The following ZNF148 variants were observed in gnomAD, a reference collection of about 807,000 sequenced individuals.
The protein encoded by ZNF148 is zinc finger protein 148, also known as Beta-Enolase Repressor Factor-1.
Under a neutral mutation model 67.7 loss-of-function variants are expected in ZNF148, and 7 were observed. That is an observed-to-expected ratio of 0.10 (90% CI 0.06 to 0.19). ZNF148 has a LOEUF of 0.19. Ranked by LOEUF, ZNF148 falls within the 10% of genes least tolerant of loss-of-function variation. ZNF148 has a pLI of 1.00. For synonymous variants in ZNF148, 333 were observed against 330.7 expected (o/e 1.01, Z -0.08); for missense variants, 583 against 947.1 (o/e 0.62, Z 5.05).
chr3:125,264,163 T>C (rs777009904), intron 7 of ZNF148, among the ~76,000 whole-genome samples: 1 of 152,212 alleles, frequency 6.6e-6, no homozygotes, highest in Non-Finnish European at 1.5e-5. Context: ...TGTAATAAAA[T>C]GGTAAATGTA....
At chr3:125,258,377 A>AGCTTGCAGTGAGCCGAGT in intron 7 of ZNF148, among the ~76,000 whole-genome samples, 2 of 129,756 alleles carry the variant, frequency 1.5e-5, no homozygotes, top group Non-Finnish European at 3.1e-5. Context: ...GTGAGCCGAG[A>AGCTTGCAGTGAGCCGAGT]TTGCGCCACT....
intron 4 of ZNF148, among the ~76,000 whole-genome samples, chr3:125,310,225 G>A (rs1940125981): frequency 6.6e-6 from 1 of 151,866 alleles, no homozygotes; most frequent in African/African-American, 2.4e-5. Flanking sequence ...GATTACAGGT[G>A]CATGCCACCA....
intron 2 of ZNF148, among the ~76,000 whole-genome samples, chr3:125,329,363 T>C (rs2107707923): frequency 8.7e-6 from 1 of 115,014 alleles, no homozygotes. Context: ...ATATAAAATT[T>C]TTTTTTTTTT....
At chr3:125,245,554 C>T (rs1419014100) in intron 7 of ZNF148, among the ~76,000 whole-genome samples, 2 of 152,180 alleles carry the variant, frequency 1.3e-5, no homozygotes, top group Non-Finnish European at 2.9e-5. Context: ...CAGCTTATGC[C>T]ACAAATGGCA....
intron 7 of ZNF148, among the ~76,000 whole-genome samples, chr3:125,269,205 CAAA>C (rs71148173): frequency 3.1e-5 from 3 of 96,870 alleles, no homozygotes; most frequent in Non-Finnish European, 3.9e-5. Flanking sequence ...CGGTCTCTAC[CAAA>C]AAAAAAAAAA....
At chr3:125,262,451 T>C (rs922107233) in intron 7 of ZNF148, among the ~76,000 whole-genome samples, 3 of 152,256 alleles carry the variant, frequency 2.0e-5, no homozygotes, top group African/African-American at 7.2e-5. Context: ...TTGCTTCTTG[T>C]TCTAACTGAT....
At chr3:125,361,401 G>T (rs1354300318) in intron 1 of ZNF148, among the ~76,000 whole-genome samples, 1 of 151,918 alleles carries the variant, frequency 6.6e-6, no homozygotes, top group Non-Finnish European at 1.5e-5. Context: ...AATTCTGCTT[G>T]CTCCCAAATT....
chr3:125,339,807 T>C (rs1054004031), intron 1 of ZNF148, among the ~76,000 whole-genome samples: 1 of 152,154 alleles, frequency 6.6e-6, no homozygotes, highest in Non-Finnish European at 1.5e-5. Flanking sequence ...AAATTAAAAA[T>C]TAAAAATAAA....
intron 4 of ZNF148, among the ~76,000 whole-genome samples, chr3:125,300,674 T>C (rs149623343): frequency 1.0e-3 from 154 of 152,356 alleles, no homozygotes; most frequent in African/African-American, 3.3e-3. Context: ...GCCTGAAATA[T>C]TTCATATTTT....
At chr3:125,341,234 G>GA (rs1199143948) in intron 1 of ZNF148, among the ~76,000 whole-genome samples, 1 of 142,774 alleles carries the variant, frequency 7.0e-6, no homozygotes, top group Non-Finnish European at 1.5e-5. Flanking sequence ...AGAAATAAGT[G>GA]AAAAAATGGA....
At position 125,233,349 on chromosome 3, in the gene ZNF148, A is replaced by G. The variant is rs75499645; in HGVS notation, c.1377T>C (p.His459=). 1.8e-3 allele frequency: 2,928 copies of G among 1,613,998 alleles called. 41 individuals carry two copies. In the African/African-American group the frequency reaches 0.034, roughly 19 times the overall value. The change falls in exon 9 of 9, where the codon CAT becomes CAC. Residue 459 remains histidine (H), a synonymous_variant. Coordinates refer to ENST00000360647, the MANE Select transcript of ZNF148 (RefSeq NM_021964.3). The surrounding 1 kb of genome is among the most constrained non-coding windows in gnomAD (Gnocchi z 5.1). The part of the protein sequence containing the change: ...NLQEGPSKPV[H]SSTNYDDAMQ... ...TGGCATCATCATAATTAGTACTACTATGCACAGGTTTACTGGGCCCCTCCT... is the reference window on the plus strand; with the variant it reads ...TGGCATCATCATAATTAGTACTACTGTGCACAGGTTTACTGGGCCCCTCCT...
Position 125,232,535 on chromosome 3 carries a change from G to T in ZNF148, c.2191C>A (p.Gln731Lys). ...HQAYQMSSFEQPFRAPYHGSR... is the reference protein window; with the variant it reads ...HQAYQMSSFEKPFRAPYHGSR... ...CCATGATAGGGAGCACGGAAGGGCT[G>T]TTCAAAGGAGCTCATTTGGTAAGCT... The change falls in exon 9 of 9, where the codon CAG (glutamine) becomes AAG (lysine). Residue 731 changes from glutamine (Q) to lysine (K), a missense_variant. This residue lies in a region of ZNF148 where 158 missense variants were observed against 208.4 expected (regional missense o/e 0.76). Transcript: ENST00000360647. This position sits in a 1 kb window ranked among gnomAD's most constrained non-coding sequence, Gnocchi z 4.2. 6.2e-7 allele frequency: 1 copy of T among 1,613,732 alleles called. No homozygotes were observed. The highest frequency in any genetic ancestry group is 8.5e-7 in the Non-Finnish European group (1 of 1,179,748).
In ZNF148 at chr3:125,314,262, T is replaced by C. The variant is rs144481127; in HGVS notation, c.-16-606A>G. Among the ~76,000 whole-genome samples, 12 of 152,290 alleles carry C rather than the reference T, an allele frequency of 7.9e-5. No homozygotes were observed. The East Asian group carries it at 9.6e-4, about 12-fold the overall frequency. On this transcript the variant is annotated intron_variant, in intron 3 of 8. Coordinates refer to ENST00000360647, the MANE Select transcript of ZNF148 (RefSeq NM_021964.3). ...TCAACTATTTTCAAAAGCCATTTGG[T>C]ATCAAATGCTATGAAACGTATCAAA...
At chr3:125,369,261 CAAAAAAAAAAAA>C (rs71148178) in intron 1 of ZNF148, among the ~76,000 whole-genome samples, 4 of 12,890 alleles carry the variant, frequency 3.1e-4, no homozygotes, top group African/African-American at 1.3e-3. Context: ...GATCCTGCCT[CAAAAAAAAAAAA>C]AAAAAAAAAA....
rs369035003 is a variant in ZNF148, at chr3:125,233,252, C to T, written c.1474G>A (p.Gly492Ser). 7.1e-5 allele frequency: 115 copies of T among 1,613,750 alleles called. No homozygotes were observed. Among genetic ancestry groups the T allele is most frequent in the Non-Finnish European group, 9.5e-5 (112 of 1,179,912 alleles). ...NNSREYALNV[G>S]TIASQPSVTQ... Reference sequence around the variant, plus strand: ...ACAGAAGGCTGAGAAGCTATGGTACCCACATTCAGCGCATATTCCCTGCTG... The same window carrying T: ...ACAGAAGGCTGAGAAGCTATGGTACTCACATTCAGCGCATATTCCCTGCTG... Residue 492 changes from glycine to serine, a missense_variant, in exon 9 of 9, where the codon GGT (glycine) becomes AGT (serine). This residue lies in a region of ZNF148 where 172 missense variants were observed against 307.7 expected (regional missense o/e 0.56). Coordinates refer to ENST00000360647, the MANE Select transcript of ZNF148 (RefSeq NM_021964.3). The surrounding 1 kb of genome is among the most constrained non-coding windows in gnomAD (Gnocchi z 5.1).
intron 2 of ZNF148, among the ~76,000 whole-genome samples, chr3:125,324,189 A>G (rs79803106): frequency 0.12 from 17,763 of 151,916 alleles, 1,282 homozygotes; most frequent in Admixed American, 0.16. Context: ...AATAATAAAA[A>G]AAATAAAAAG....
chr3:125,326,121 TA>T (rs1242282926), intron 2 of ZNF148, among the ~76,000 whole-genome samples: 1 of 152,166 alleles, frequency 6.6e-6, no homozygotes, highest in East Asian at 1.9e-4. Context: ...TTTTTGCTAG[TA>T]GACCTGCCTT....
At chr3:125,324,327 T>C (rs997475004) in intron 2 of ZNF148, among the ~76,000 whole-genome samples, 1 of 152,118 alleles carries the variant, frequency 6.6e-6, no homozygotes. Flanking sequence ...GAAACTATTA[T>C]ATAAATTCAA....
At chr3:125,280,710 C>T (rs543270848) in intron 5 of ZNF148, among the ~76,000 whole-genome samples, 1 of 122,174 alleles carries the variant, frequency 8.2e-6, no homozygotes, top group South Asian at 2.7e-4. Context: ...TTTCATCAGA[C>T]ATGTGGAAGA....
Sources: allele counts gnomAD v4.1 joint callset (sites outside exome capture counted in the v4.1 genomes callset), GRCh38; gene constraint gnomAD v4.1.1; regional missense constraint gnomAD v4.1.1; non-coding constraint Gnocchi (gnomAD v3.1); transcripts MANE v1.5; gene names NCBI Gene and HGNC (gene_info 2026-07-23, HGNC 2026-07-21).